Variants in KHDRBS2 observed in about 807,000 individuals in gnomAD.
The protein encoded by KHDRBS2 is KH domain-containing, RNA-binding, signal transduction-associated protein 2.
In KHDRBS2, 26 loss-of-function variants were observed where a neutral mutation model predicts 44.3. The observed-to-expected ratio is 0.59, with a 90% CI of 0.43 to 0.81. The LOEUF is 0.81. Ranked by LOEUF, KHDRBS2 falls within the 40% of genes least tolerant of loss-of-function variation. KHDRBS2 has a pLI of 0.00. For synonymous variants in KHDRBS2, 194 were observed against 151.1 expected, an observed-to-expected ratio of 1.28 and a Z score of -2.08; for missense variants, 476 against 433.1, an observed-to-expected ratio of 1.10 and a Z score of -0.88.
At chr6:61,580,867 C>T in the KHDRBS2 span, among the ~76,000 whole-genome samples, 2 of 152,118 alleles carry the variant, frequency 1.3e-5, no homozygotes, top group Non-Finnish European at 2.9e-5. Flanking sequence ...CCATGGCTTC[C>T]TTCTTGAAGT....
At chr6:62,122,710 C>T (rs1306427240) in intron 2 of KHDRBS2, among the ~76,000 whole-genome samples, 3 of 149,724 alleles carry the variant, frequency 2.0e-5, no homozygotes, top group African/African-American at 7.5e-5. Context: ...TATGAAGACA[C>T]CACCTGAAAG....
chr6:62,205,386 C>G (rs567394985), intron 1 of KHDRBS2, among the ~76,000 whole-genome samples: 1 of 152,190 alleles, frequency 6.6e-6, no homozygotes, highest in South Asian at 2.1e-4. Context: ...TTGAATCTAG[C>G]CTTACTCAGC....
chr6:62,158,623 A>T (rs1258162580), intron 2 of KHDRBS2, among the ~76,000 whole-genome samples: 2 of 152,158 alleles, frequency 1.3e-5, no homozygotes, highest in African/African-American at 4.8e-5. Flanking sequence ...GCAAGGAAAG[A>T]GGCCAGACAT....
At chr6:62,201,822 TTGACA>T (rs1306631270) in intron 1 of KHDRBS2, among the ~76,000 whole-genome samples, 7 of 152,050 alleles carry the variant, frequency 4.6e-5, no homozygotes, top group African/African-American at 1.4e-4. Flanking sequence ...CAATAGACTA[TTGACA>T]TGACAATAGA....
chr6:61,548,233 T>A, the KHDRBS2 span, among the ~76,000 whole-genome samples: 1 of 151,986 alleles, frequency 6.6e-6, no homozygotes, highest in East Asian at 1.9e-4. Flanking sequence ...GAAGACAAAC[T>A]AAGGAACAAG....
chr6:61,978,244 T>A, intron 3 of KHDRBS2, 32 bp from the exon 4 acceptor site: 1 of 1,549,652 alleles, frequency 6.5e-7, no homozygotes, highest in Non-Finnish European at 8.8e-7. Flanking sequence ...GAAATACAAA[T>A]CCACTCATTT....
At chr6:62,244,405 C>CGT (rs1263793773) in intron 1 of KHDRBS2, among the ~76,000 whole-genome samples, 1 of 151,892 alleles carries the variant, frequency 6.6e-6, no homozygotes, top group Non-Finnish European at 1.5e-5. Context: ...TTCATCTGCC[C>CGT]GTGCTCCTAG....
the KHDRBS2 span, among the ~76,000 whole-genome samples, chr6:61,607,462 G>C: frequency 1.1e-5 from 1 of 89,948 alleles, no homozygotes; most frequent in Non-Finnish European, 2.2e-5. Flanking sequence ...TTTTAAAAGA[G>C]GAATATAAAA....
chr6:61,627,205 A>G, the KHDRBS2 span, among the ~76,000 whole-genome samples: 1 of 134,690 alleles, frequency 7.4e-6, no homozygotes, highest in African/African-American at 2.8e-5. Context: ...GTGAGCCGAG[A>G]TCGCGCCACT....
chr6:62,209,052 G>A (rs1828553465), intron 1 of KHDRBS2, among the ~76,000 whole-genome samples: 1 of 152,056 alleles, frequency 6.6e-6, no homozygotes, highest in African/African-American at 2.4e-5. Context: ...AACAATCAAT[G>A]AAATAAAAAG....
At chr6:61,574,178 TCTTA>T in the KHDRBS2 span, 1 of 630,702 alleles carries the variant, frequency 1.6e-6, no homozygotes, top group African/African-American at 1.9e-5. Flanking sequence ...ACTCGGCAAA[TCTTA>T]CCCCGCCTGT....
chr6:62,207,097 C>G (rs1828118509), intron 1 of KHDRBS2, among the ~76,000 whole-genome samples: 1 of 152,000 alleles, frequency 6.6e-6, no homozygotes, highest in South Asian at 2.1e-4. Context: ...GCTATCCTAG[C>G]TGTGATACTT....
Position 61,894,791 on chromosome 6 carries a change from T to A in KHDRBS2, c.654A>T (p.Arg218=), listed in dbSNP as rs766589913. The A allele has an allele frequency of 6.2e-7, 1 of 1,612,704 alleles. No homozygotes were observed. The highest frequency in any genetic ancestry group is 1.1e-5 in the South Asian group (1 of 90,802). Residue 218 remains arginine (R), a synonymous_variant, in exon 6 of 9, where the codon CGA becomes CGT. Transcript: ENST00000281156. ...TGCTTCCCCGAGGGGTGAGAACACC[T>A]CGTCCAGGTGGTGGGGGAGGAGGAA... ...GAIPPPPPPG[R]GVLTPRGSTV... is the part of the protein sequence containing the mutation.
intron 3 of KHDRBS2, among the ~76,000 whole-genome samples, chr6:61,992,831 C>T (rs565555979): frequency 3.9e-5 from 6 of 152,268 alleles, no homozygotes; most frequent in African/African-American, 4.8e-5. Flanking sequence ...AATATTGCAA[C>T]GTCTTATCAA....
chr6:62,183,148 C>T (rs1388550844), intron 1 of KHDRBS2, among the ~76,000 whole-genome samples: 1 of 151,690 alleles, frequency 6.6e-6, no homozygotes, highest in Non-Finnish European at 1.5e-5. Flanking sequence ...TATTTTGATG[C>T]TTAACACAAG....
chr6:62,115,803 A>G lies in KHDRBS2; in HGVS notation c.219+61382T>C, dbSNP rs1806083543. Among the ~76,000 whole-genome samples, 3 of 152,220 alleles carry G rather than the reference A, an allele frequency of 2.0e-5. No homozygotes were observed. In the South Asian group the frequency reaches 6.2e-4, roughly 32 times the overall value. On this transcript the variant is annotated intron_variant, in intron 2 of 8. Coordinates refer to ENST00000281156, the MANE Select transcript of KHDRBS2 (RefSeq NM_152688.4). Reference sequence around the variant, plus strand: ...ATACAAATTTACTTTTTTAACGTTAATTATATATTGAGTTAAAGAGATATG... The same window carrying G: ...ATACAAATTTACTTTTTTAACGTTAGTTATATATTGAGTTAAAGAGATATG...
chr6:62,157,077 C>T (rs962395557), intron 2 of KHDRBS2, among the ~76,000 whole-genome samples: 2 of 150,716 alleles, frequency 1.3e-5, no homozygotes, highest in Non-Finnish European at 3.0e-5. Flanking sequence ...GAATGAGGGC[C>T]GGGTGCGGTG....
intron 6 of KHDRBS2, among the ~76,000 whole-genome samples, chr6:61,848,497 A>ATATATG (rs1554236616): frequency 1.7e-5 from 1 of 59,208 alleles, no homozygotes; most frequent in African/African-American, 9.5e-5. Flanking sequence ...ATATGTATAT[A>ATATATG]TATATATATA....
intron 4 of KHDRBS2, among the ~76,000 whole-genome samples, chr6:61,958,622 T>C (rs1213101970): frequency 6.6e-6 from 1 of 152,226 alleles, no homozygotes; most frequent in Non-Finnish European, 1.5e-5. Flanking sequence ...GTTTCACTTC[T>C]TAAATATTTA....
Sources: gnomAD v4.1 joint callset for allele counts (sites outside exome capture counted in the v4.1 genomes callset) on GRCh38, gnomAD v4.1.1 for gene constraint, MANE v1.5 for transcripts, NCBI Gene and HGNC (gene_info 2026-07-23, HGNC 2026-07-21) for gene names.